Variants in GRM7 observed in about 807,000 individuals in gnomAD.
GRM7 encodes the protein glutamate metabotropic receptor 7.
Under a neutral mutation model 84.5 loss-of-function variants are expected in GRM7, and 35 were observed. That is an observed-to-expected ratio of 0.41 (90% CI 0.32 to 0.55). The LOEUF is 0.55. Among genes scored for constraint, GRM7 ranks in the 20% least tolerant of loss-of-function variants. The pLI, the probability that GRM7 is intolerant of heterozygous loss-of-function variation, is 0.19. For missense variants in GRM7, 1,003 were observed against 1,194.6 expected (o/e 0.84, Z 2.36); for synonymous variants, 487 against 455.1 (o/e 1.07, Z -0.89).
intron 1 of GRM7, among the ~76,000 whole-genome samples, chr3:7,065,979 A>G (rs987813411): frequency 1.3e-5 from 2 of 151,874 alleles, no homozygotes; most frequent in Non-Finnish European, 2.9e-5. Context: ...TTTGAACTGA[A>G]TGACAATAAT....
intron 1 of GRM7, among the ~76,000 whole-genome samples, chr3:6,945,345 G>C (rs905795028): frequency 2.0e-5 from 3 of 151,982 alleles, no homozygotes; most frequent in Non-Finnish European, 4.4e-5. Flanking sequence ...AGTTTGCTGA[G>C]AATGATGGTT....
intron 5 of GRM7, among the ~76,000 whole-genome samples, chr3:7,416,340 T>G (rs1333815358): frequency 6.6e-6 from 1 of 152,172 alleles, no homozygotes; most frequent in Non-Finnish European, 1.5e-5. Context: ...CAATTTGTAG[T>G]GATGACCTTC....
intron 9 of GRM7, among the ~76,000 whole-genome samples, chr3:7,712,301 T>TAC (rs1701606561): frequency 6.6e-6 from 1 of 152,182 alleles, no homozygotes; most frequent in Non-Finnish European, 1.5e-5. Context: ...ATGCCATAGA[T>TAC]ACACTGTTAA....
rs183301423 is a variant in GRM7 at position 6,995,211 on chromosome 3, A to G, written c.519+133304A>G. Among the ~76,000 whole-genome samples the G allele has an allele frequency of 8.6e-4, 131 of 152,350 alleles. 1 individual carries two copies. Among genetic ancestry groups the G allele is most frequent in the African/African-American group, 2.6e-3 (109 of 41,584 alleles). ...CATTTTATTTGGATAAGTAATAGTC[A>G]CCAGACTTTTTCTGTAAAAGGCAGG... On this transcript the variant is annotated intron_variant, in intron 1 of 9. Coordinates refer to ENST00000357716, the MANE Select transcript of GRM7 (RefSeq NM_000844.4).
chr3:7,195,302 T>C (rs1695842583), intron 2 of GRM7, among the ~76,000 whole-genome samples: 1 of 152,146 alleles, frequency 6.6e-6, no homozygotes, highest in Non-Finnish European at 1.5e-5. Flanking sequence ...TGCCTCTGTC[T>C]CACTTGATTT....
chr3:7,479,210 G>A (rs1465872797), intron 7 of GRM7, among the ~76,000 whole-genome samples: 2 of 151,982 alleles, frequency 1.3e-5, no homozygotes, highest in African/African-American at 4.8e-5. Flanking sequence ...GGATGAGGAG[G>A]CTATCACTCT....
At chr3:6,905,707 A>T (rs1427585195) in intron 1 of GRM7, among the ~76,000 whole-genome samples, 1 of 152,136 alleles carries the variant, frequency 6.6e-6, no homozygotes, top group African/African-American at 2.4e-5. Context: ...TAGCATGGTA[A>T]TTTTAATTAG....
chr3:7,438,910 A>G (rs1408037182), intron 5 of GRM7, among the ~76,000 whole-genome samples: 6 of 152,182 alleles, frequency 3.9e-5, no homozygotes, highest in Non-Finnish European at 8.8e-5. Context: ...GTTTAATTGT[A>G]GACATGTTGA....
chr3:7,115,138 G>A (rs978394773), intron 1 of GRM7, among the ~76,000 whole-genome samples: 2 of 152,064 alleles, frequency 1.3e-5, no homozygotes, highest in Non-Finnish European at 2.9e-5. Context: ...CTTATCTAAG[G>A]TCAGATGGCT....
chr3:6,866,683 C>G (rs1257996325), intron 1 of GRM7, among the ~76,000 whole-genome samples: 1 of 152,196 alleles, frequency 6.6e-6, no homozygotes, highest in Non-Finnish European at 1.5e-5. Flanking sequence ...TGGCAGCAAG[C>G]TATAGCTTTC....
chr3:7,410,598 T>TACACACACAC (rs35513247), intron 4 of GRM7, among the ~76,000 whole-genome samples: 12 of 142,690 alleles, frequency 8.4e-5, no homozygotes, highest in Admixed American at 5.6e-4. Flanking sequence ...TATATATATA[T>TACACACACAC]ACACACACAC....
chr3:7,590,785 T>C (rs994351174), intron 8 of GRM7, among the ~76,000 whole-genome samples: 1 of 152,158 alleles, frequency 6.6e-6, no homozygotes, highest in Non-Finnish European at 1.5e-5. Flanking sequence ...AACTCTCCTC[T>C]ACCCCAGCTA....
chr3:7,583,452 C>T (rs1428255322), intron 8 of GRM7, among the ~76,000 whole-genome samples: 1 of 152,208 alleles, frequency 6.6e-6, no homozygotes, highest in Non-Finnish European at 1.5e-5. Context: ...TTCCTCTGTA[C>T]TCTGGTATAG....
At chr3:7,007,186 G>T (rs533041635) in intron 1 of GRM7, among the ~76,000 whole-genome samples, 3 of 152,234 alleles carry the variant, frequency 2.0e-5, no homozygotes, top group East Asian at 3.9e-4. Context: ...TTTTGGCTCT[G>T]CCATTTAACA....
chr3:7,409,312 A>C (rs1695814219), intron 4 of GRM7, among the ~76,000 whole-genome samples: 1 of 152,220 alleles, frequency 6.6e-6, no homozygotes, highest in African/African-American at 2.4e-5. Context: ...AGATCACACA[A>C]AATCTATAAA....
intron 4 of GRM7, among the ~76,000 whole-genome samples, chr3:7,344,046 A>G (rs1047354687): frequency 6.6e-6 from 1 of 152,158 alleles, no homozygotes; most frequent in African/African-American, 2.4e-5. Flanking sequence ...AATTATTCAT[A>G]TAAAAAGATA....
At chr3:7,444,903 GTCTT>G (rs1575345431) in intron 5 of GRM7, among the ~76,000 whole-genome samples, 1 of 152,138 alleles carries the variant, frequency 6.6e-6, no homozygotes, top group African/African-American at 2.4e-5. Flanking sequence ...TTCTTTTTGA[GTCTT>G]TAACAGAGCA....
At chr3:7,274,829 A>T (rs1698993834) in intron 2 of GRM7, among the ~76,000 whole-genome samples, 1 of 151,988 alleles carries the variant, frequency 6.6e-6, no homozygotes, top group African/African-American at 2.4e-5. Flanking sequence ...TTTGTGTCTG[A>T]TATTAAATTG....
chr3:7,382,846 C>T (rs1311892966), intron 4 of GRM7, among the ~76,000 whole-genome samples: 1 of 152,216 alleles, frequency 6.6e-6, no homozygotes, highest in African/African-American at 2.4e-5. Flanking sequence ...TGCCAAACTA[C>T]ATTGCACAAT....
Sources: allele counts gnomAD v4.1 joint callset (sites outside exome capture counted in the v4.1 genomes callset), GRCh38; gene constraint gnomAD v4.1.1; transcripts MANE v1.5; gene names NCBI Gene and HGNC (gene_info 2026-07-23, HGNC 2026-07-21).